The following MEOX2 variants were observed in gnomAD, a reference collection of about 807,000 sequenced individuals.
MEOX2 encodes the protein homeobox protein MOX-2.
Under a neutral mutation model 27.0 loss-of-function variants are expected in MEOX2, and 11 were observed. The observed-to-expected ratio is 0.41, with a 90% CI of 0.26 to 0.68. MEOX2 has a LOEUF of 0.68. MEOX2 is among the 30% of genes least tolerant of loss of function. MEOX2 has a pLI of 0.33. For missense variants in MEOX2, 436 were observed against 385.4 expected (o/e 1.13, Z -1.10); for synonymous variants, 189 against 155.4 (o/e 1.22, Z -1.61).
intron 1 of MEOX2, among the ~76,000 whole-genome samples, chr7:15,669,376 C>A (rs1447121997): frequency 6.6e-6 from 1 of 152,196 alleles, no homozygotes; most frequent in Admixed American, 6.5e-5. Flanking sequence ...TGATTGCAAT[C>A]ATTAACACTT....
chr7:15,625,276 G>A (rs1164856869), intron 2 of MEOX2, among the ~76,000 whole-genome samples: 1 of 152,144 alleles, frequency 6.6e-6, no homozygotes. Flanking sequence ...ATAGAGGTCT[G>A]ATGATGTAGA....
intron 2 of MEOX2, among the ~76,000 whole-genome samples, chr7:15,613,736 C>G (rs1203035390): frequency 6.6e-6 from 1 of 152,032 alleles, no homozygotes; most frequent in African/African-American, 2.4e-5. Context: ...TTTGCCACAT[C>G]TTTGTTGATT....
chr7:15,654,388 T>C (rs1316176335), intron 1 of MEOX2, among the ~76,000 whole-genome samples: 1 of 151,816 alleles, frequency 6.6e-6, no homozygotes, highest in South Asian at 2.1e-4. Context: ...TCCTTTCTGA[T>C]CTGTATGCAT....
In MEOX2 at chr7:15,611,394, T is replaced by G. The variant is rs189295071; in HGVS notation, c.*993A>C. On this transcript the variant is annotated 3_prime_UTR_variant, in exon 3 of 3. Transcript: ENST00000262041. ...TTTCGCTTTGCACCTTGTCTAACAC[T>G]GTTGTCAATCAGGAAGAAATGTTTT... 6.6e-6 allele frequency: 1 copy of G among 152,626 alleles called. No homozygotes were observed. Among genetic ancestry groups the G allele is most frequent in the African/African-American group, 2.4e-5 (1 of 41,468 alleles). The allele number at this position is 152,626 out of a possible 1,614,324, so 9.5% of individuals were successfully genotyped here.
At chr7:15,641,287 A>G (rs966215028) in intron 1 of MEOX2, among the ~76,000 whole-genome samples, 1 of 152,084 alleles carries the variant, frequency 6.6e-6, no homozygotes, top group Non-Finnish European at 1.5e-5. Flanking sequence ...TTTGGGTTGC[A>G]TATATGTTTA....
chr7:15,684,639 C>T (rs1443402734), intron 1 of MEOX2, among the ~76,000 whole-genome samples: 2 of 152,154 alleles, frequency 1.3e-5, no homozygotes, highest in Non-Finnish European at 2.9e-5. Context: ...GGCATCTTAC[C>T]TAAAGCTTTA....
chr7:15,648,794 G>C (rs1306195449), intron 1 of MEOX2, among the ~76,000 whole-genome samples: 2 of 152,036 alleles, frequency 1.3e-5, no homozygotes, highest in Admixed American at 6.6e-5. Flanking sequence ...TCTTTGTTTA[G>C]AACCTTGTAA....
intron 1 of MEOX2, among the ~76,000 whole-genome samples, chr7:15,640,136 AT>A (rs1781537668): frequency 6.6e-6 from 1 of 151,762 alleles, no homozygotes; most frequent in African/African-American, 2.4e-5. Flanking sequence ...ATTTGTTTGT[AT>A]TATCTATGAT....
intron 1 of MEOX2, among the ~76,000 whole-genome samples, chr7:15,678,713 C>T (rs1164196682): frequency 6.6e-6 from 1 of 152,156 alleles, no homozygotes; most frequent in Non-Finnish European, 1.5e-5. Context: ...AATAAGTTTT[C>T]ATTTGGGTGT....
At chr7:15,626,309 G>A (rs1009703673) in intron 2 of MEOX2, among the ~76,000 whole-genome samples, 3 of 152,030 alleles carry the variant, frequency 2.0e-5, no homozygotes, top group Admixed American at 2.0e-4. Flanking sequence ...ACATTTTTAT[G>A]TTATGCCATT....
chr7:15,659,654 G>A (rs369530081), intron 1 of MEOX2, among the ~76,000 whole-genome samples: 48 of 151,756 alleles, frequency 3.2e-4, no homozygotes, highest in African/African-American at 9.9e-4. Context: ...CAGCTTCTCA[G>A]GGGGCTGAGG....
intron 2 of MEOX2, among the ~76,000 whole-genome samples, chr7:15,621,586 A>C (rs1267393567): frequency 1.3e-5 from 2 of 152,202 alleles, no homozygotes; most frequent in African/African-American, 4.8e-5. Flanking sequence ...ATGTTTTTCT[A>C]AAAGGAAACC....
At chr7:15,653,701 C>T (rs1379152955) in intron 1 of MEOX2, among the ~76,000 whole-genome samples, 1 of 151,936 alleles carries the variant, frequency 6.6e-6, no homozygotes, top group African/African-American at 2.4e-5. Flanking sequence ...CTATGGTTGT[C>T]CAACTGCCTT....
rs187006656 is a variant in MEOX2 at position 15,672,998 on chromosome 7, A to T, written c.517+12888T>A. On this transcript the variant is annotated intron_variant, in intron 1 of 2. Coordinates refer to ENST00000262041, the MANE Select transcript of MEOX2 (RefSeq NM_005924.5). ...GGACAGTCATTCAACTCTCCTACAG[A>T]TTGCCCAAGCATCTTCGAAATTTGC... Among the ~76,000 whole-genome samples, 211 of 152,338 alleles carry T rather than the reference A, an allele frequency of 1.4e-3. 1 individual carries two copies. The highest frequency in any genetic ancestry group is 1.1e-3 in the Non-Finnish European group (73 of 68,034).
Position 15,618,580 on chromosome 7 carries a change from G to T in MEOX2, c.691-5969C>A, listed in dbSNP as rs539447127. On this transcript the variant is annotated intron_variant, in intron 2 of 2. Coordinates refer to ENST00000262041, the MANE Select transcript of MEOX2 (RefSeq NM_005924.5). ...TAACAGCTTCTAAGTATAACTTATC[G>T]AATATAAATATTTAGCTGAAACAAC... Among the ~76,000 whole-genome samples the T allele has an allele frequency of 5.3e-5, 8 of 151,894 alleles. No individual in the cohort carries two copies. In the East Asian group the frequency reaches 1.2e-3, roughly 22 times the overall value.
chr7:15,635,568 A>G (rs1044337455), intron 1 of MEOX2, among the ~76,000 whole-genome samples: 19 of 152,024 alleles, frequency 1.2e-4, no homozygotes, highest in African/African-American at 4.3e-4. Flanking sequence ...GCACTCAATA[A>G]TCAATTGTAA....
intron 1 of MEOX2, among the ~76,000 whole-genome samples, chr7:15,628,202 A>AT (rs1192277375): frequency 6.6e-6 from 1 of 152,026 alleles, no homozygotes; most frequent in Non-Finnish European, 1.5e-5. Context: ...ACAAAAATGA[A>AT]TTTTTTAGTG....
intron 1 of MEOX2, among the ~76,000 whole-genome samples, chr7:15,652,058 A>G (rs1412604941): frequency 6.6e-6 from 1 of 152,070 alleles, no homozygotes; most frequent in South Asian, 2.1e-4. Flanking sequence ...ACAAAATACC[A>G]TCTTTAAAAG....
intron 1 of MEOX2, among the ~76,000 whole-genome samples, chr7:15,675,716 C>A (rs1399295771): frequency 6.6e-6 from 1 of 152,156 alleles, no homozygotes; most frequent in African/African-American, 2.4e-5. Context: ...GGTTACAATT[C>A]ATTAAGAAAA....
Sources: gnomAD v4.1 joint callset for allele counts (sites outside exome capture counted in the v4.1 genomes callset) on GRCh38, gnomAD v4.1.1 for gene constraint, MANE v1.5 for transcripts, NCBI Gene and HGNC (gene_info 2026-07-23, HGNC 2026-07-21) for gene names.